The following ITPR2 variants were observed in gnomAD, a reference collection of about 807,000 sequenced individuals.
ITPR2 encodes inositol 1,4,5-trisphosphate-gated calcium channel ITPR2.
ITPR2 carries 207 observed loss-of-function variants against 317.1 expected under a neutral mutation model. That is an observed-to-expected ratio of 0.65 (90% CI 0.58 to 0.73). The LOEUF is 0.73. Ranked by LOEUF, ITPR2 falls within the 30% of genes least tolerant of loss-of-function variation. ITPR2 has a pLI of 0.00. For missense variants in ITPR2, 2,613 were observed against 3,284.0 expected (o/e 0.80, Z 4.99); for synonymous variants, 1,156 against 1,149.1 (o/e 1.01, Z -0.12).
chr12:26,443,701 G>C, intron 45 of ITPR2, 51 bp from the exon 46 acceptor site: 1 of 1,436,854 alleles, frequency 7.0e-7, no homozygotes, highest in Non-Finnish European at 9.8e-7. Context: ...CCCTTTCCTA[G>C]GGTCAAACTT....
At chr12:26,569,554 C>CA (rs34705409) in intron 34 of ITPR2, among the ~76,000 whole-genome samples, 94,474 of 134,192 alleles carry the variant, frequency 0.7, 32,896 homozygotes, top group Non-Finnish European at 0.78. Flanking sequence ...GACTCTGTCT[C>CA]AAAAAAAAAA....
chr12:26,350,977 G>C (rs1409870125), intron 55 of ITPR2, among the ~76,000 whole-genome samples: 2 of 152,246 alleles, frequency 1.3e-5, no homozygotes, highest in Non-Finnish European at 2.9e-5. Context: ...AGAAGAGGGA[G>C]TGACCCAGGA....
chr12:26,528,984 C>T lies in ITPR2; in HGVS notation c.5073+21263G>A, dbSNP rs1419481952. 2.0e-5 allele frequency among the ~76,000 whole-genome samples: 3 copies of T among 152,178 alleles called. No individual in the cohort carries two copies. The South Asian group carries it at 6.2e-4, about 32-fold the overall frequency. ...ATTCAGCCTCACATTCAAAAGCTAT[C>T]CACTCAAACTTCACTCCACATCCAG... On this transcript the variant is annotated intron_variant, in intron 37 of 56. Transcript: ENST00000381340.
intron 43 of ITPR2, among the ~76,000 whole-genome samples, chr12:26,478,263 G>A (rs79705563): frequency 7.6e-4 from 116 of 152,146 alleles, no homozygotes; most frequent in African/African-American, 2.6e-3. Flanking sequence ...ATGAAAAGAC[G>A]TCAGTATTTT....
chr12:26,612,253 C>T (rs548777031), intron 26 of ITPR2, among the ~76,000 whole-genome samples: 1 of 151,886 alleles, frequency 6.6e-6, no homozygotes, highest in Non-Finnish European at 1.5e-5. Context: ...ATTTTTTATT[C>T]TCAAAATGAA....
At chr12:26,557,826 A>G (rs1944705564) in intron 35 of ITPR2, among the ~76,000 whole-genome samples, 1 of 152,234 alleles carries the variant, frequency 6.6e-6, no homozygotes, top group African/African-American at 2.4e-5. Flanking sequence ...TAATGGTTAA[A>G]GCACCCCCAT....
chr12:26,739,133 C>T (rs1359089550), intron 2 of ITPR2, among the ~76,000 whole-genome samples: 1 of 152,180 alleles, frequency 6.6e-6, no homozygotes, highest in East Asian at 1.9e-4. Flanking sequence ...ACTAGAATGG[C>T]TACAATTAAA....
At chr12:26,513,547 C>G (rs894850194) in intron 37 of ITPR2, among the ~76,000 whole-genome samples, 1 of 151,942 alleles carries the variant, frequency 6.6e-6, no homozygotes, top group Non-Finnish European at 1.5e-5. Context: ...TCAGACCTCT[C>G]TCTCTCTCTC....
intron 37 of ITPR2, among the ~76,000 whole-genome samples, chr12:26,531,921 GTTAAAA>G (rs1192641907): frequency 6.6e-6 from 1 of 152,120 alleles, no homozygotes; most frequent in African/African-American, 2.4e-5. Context: ...AAGAGAACTG[GTTAAAA>G]TATACTAGAA....
intron 51 of ITPR2, among the ~76,000 whole-genome samples, chr12:26,412,028 AAAC>A (rs1940566456): frequency 6.6e-6 from 1 of 152,228 alleles, no homozygotes; most frequent in African/African-American, 2.4e-5. Flanking sequence ...TATTTGTATG[AAAC>A]AACGTTTTAT....
At chr12:26,603,357 A>T (rs201282474) in intron 26 of ITPR2, among the ~76,000 whole-genome samples, 1 of 152,354 alleles carries the variant, frequency 6.6e-6, no homozygotes, top group East Asian at 1.9e-4. Context: ...AATTATAATA[A>T]CTATTATCTG....
At chr12:26,678,478 T>C (rs1383045809) in intron 13 of ITPR2, among the ~76,000 whole-genome samples, 1 of 152,080 alleles carries the variant, frequency 6.6e-6, no homozygotes, top group Non-Finnish European at 1.5e-5. Context: ...TAATAATCAC[T>C]TCATTTTCCA....
Position 26,789,271 on chromosome 12 carries a change from T to G in ITPR2, c.163+886A>C, listed in dbSNP as rs553597053. ...AAATGAAATAAATAAAACATTCCCA[T>G]AAGAGATATTGTAAATAAAATGCCT... is the stretch of plus-strand genomic sequence containing the variant. On this transcript the variant is annotated intron_variant, in intron 2 of 56. Coordinates refer to ENST00000381340, the MANE Select transcript of ITPR2 (RefSeq NM_002223.4). Among the ~76,000 whole-genome samples the G allele has an allele frequency of 1.7e-3, 254 of 152,324 alleles. 1 individual carries two copies. The highest frequency in any genetic ancestry group is 3.0e-3 in the Non-Finnish European group (203 of 68,020).
At chr12:26,472,443 G>C (rs1262997208) in intron 45 of ITPR2, among the ~76,000 whole-genome samples, 1 of 149,364 alleles carries the variant, frequency 6.7e-6, no homozygotes, top group Non-Finnish European at 1.5e-5. Context: ...TTGGACCTTC[G>C]TTGCTCTACA....
intron 55 of ITPR2, among the ~76,000 whole-genome samples, chr12:26,372,841 G>A (rs1939224045): frequency 6.6e-6 from 1 of 152,156 alleles, no homozygotes; most frequent in Non-Finnish European, 1.5e-5. Context: ...ATTCTCACAG[G>A]CCCTTCAGCA....
intron 55 of ITPR2, among the ~76,000 whole-genome samples, chr12:26,367,511 T>C (rs1047038166): frequency 2.0e-5 from 3 of 152,074 alleles, no homozygotes; most frequent in East Asian, 1.9e-4. Context: ...AAGATGAAGA[T>C]AGTAAAGGAT....
intron 46 of ITPR2, among the ~76,000 whole-genome samples, chr12:26,440,250 C>G (rs144481905): frequency 1.3e-5 from 2 of 152,176 alleles, no homozygotes; most frequent in South Asian, 2.1e-4. Flanking sequence ...ACCAAATACA[C>G]GAAAACAAAA....
At position 26,829,870 on chromosome 12, in the gene ITPR2, A is replaced by T. The variant is rs935987146; in HGVS notation, c.92+2820T>A. The stretch of plus-strand genomic sequence containing the variant: ...AAAAAGAATATCCAATCAAAGCACC[A>T]GGTTTCACCAATAGCAGCATTTCTT... On this transcript the variant is annotated intron_variant, in intron 1 of 56. Transcript: ENST00000381340. Among the ~76,000 whole-genome samples the T allele has an allele frequency of 3.9e-5, 6 of 152,130 alleles. No homozygotes were observed. In the East Asian group the frequency reaches 9.6e-4, roughly 24 times the overall value.
intron 37 of ITPR2, among the ~76,000 whole-genome samples, chr12:26,505,649 C>A (rs1437951528): frequency 6.6e-6 from 1 of 152,102 alleles, no homozygotes; most frequent in Non-Finnish European, 1.5e-5. Context: ...TTTCTATCAC[C>A]CTCTATTAGA....
Sources: allele counts gnomAD v4.1 joint callset (sites outside exome capture counted in the v4.1 genomes callset), GRCh38; gene constraint gnomAD v4.1.1; transcripts MANE v1.5; gene names NCBI Gene and HGNC (gene_info 2026-07-23, HGNC 2026-07-21).